Variants in ARFGEF1 observed in about 807,000 individuals in gnomAD.
The protein encoded by ARFGEF1 is brefeldin A-inhibited guanine nucleotide-exchange protein 1.
ARFGEF1 carries 42 observed loss-of-function variants against 231.0 expected under a neutral mutation model. The observed-to-expected ratio is 0.18, with a 90% confidence interval of 0.14 to 0.24. The LOEUF is 0.24. Among genes scored for constraint, ARFGEF1 ranks in the 10% least tolerant of loss-of-function variants. The pLI is 1.00. For missense variants in ARFGEF1, 1,345 were observed against 2,192.0 expected (o/e 0.61, Z 7.72); for synonymous variants, 710 against 732.3 (o/e 0.97, Z 0.49).
At chr8:67,313,078 T>C (rs1273872437) in intron 1 of ARFGEF1, among the ~76,000 whole-genome samples, 1 of 152,104 alleles carries the variant, frequency 6.6e-6, no homozygotes, top group Non-Finnish European at 1.5e-5. Context: ...TTACATTAAA[T>C]ATAAAAGGTC....
intron 1 of ARFGEF1, among the ~76,000 whole-genome samples, chr8:67,312,703 A>C (rs1034142429): frequency 3.3e-5 from 5 of 152,248 alleles, no homozygotes. Flanking sequence ...CATTTAACAC[A>C]AAAAATAAAA....
intron 7 of ARFGEF1, among the ~76,000 whole-genome samples, chr8:67,282,232 T>C (rs904669809): frequency 3.3e-5 from 5 of 152,124 alleles, no homozygotes; most frequent in South Asian, 2.1e-4. Flanking sequence ...TGGTTAGGAA[T>C]AGACAAATAG....
At chr8:67,188,932 G>T (rs924932006) in intron 5 of ARFGEF1, among the ~76,000 whole-genome samples, 2 of 152,150 alleles carry the variant, frequency 1.3e-5, no homozygotes, top group Non-Finnish European at 2.9e-5. Flanking sequence ...CCATTCCTTG[G>T]AATCTGTGAG....
chr8:67,274,370 G>A (rs952974375), intron 9 of ARFGEF1, among the ~76,000 whole-genome samples: 73 of 151,332 alleles, frequency 4.8e-4, no homozygotes, highest in Non-Finnish European at 5.3e-4. Context: ...TATTCTTTTG[G>A]AAAAATAATA....
At chr8:67,308,645 G>A (rs1806854396) in intron 1 of ARFGEF1, among the ~76,000 whole-genome samples, 1 of 152,060 alleles carries the variant, frequency 6.6e-6, no homozygotes, top group African/African-American at 2.4e-5. Context: ...CATCATCCCT[G>A]CTTATGTGCT....
At chr8:67,220,339 A>G (rs1038238689) in intron 29 of ARFGEF1, among the ~76,000 whole-genome samples, 2 of 152,220 alleles carry the variant, frequency 1.3e-5, no homozygotes, top group Admixed American at 6.5e-5. Flanking sequence ...CAGTTTAGAA[A>G]TGGCTTATAT....
At chr8:67,306,012 TTC>T (rs1019635948) in intron 1 of ARFGEF1, among the ~76,000 whole-genome samples, 1 of 151,332 alleles carries the variant, frequency 6.6e-6, no homozygotes, top group African/African-American at 2.4e-5. Flanking sequence ...AGACAGAAGA[TTC>T]TTTCTTACTA....
intron 20 of ARFGEF1, among the ~76,000 whole-genome samples, chr8:67,239,843 A>C (rs1839876050): frequency 6.6e-6 from 1 of 152,230 alleles, no homozygotes; most frequent in Non-Finnish European, 1.5e-5. Flanking sequence ...CTATGATTCA[A>C]CAAGATATTT....
intron 14 of ARFGEF1, among the ~76,000 whole-genome samples, chr8:67,261,131 TG>T (rs1804603704): frequency 6.6e-6 from 1 of 152,164 alleles, no homozygotes; most frequent in Non-Finnish European, 1.5e-5. Flanking sequence ...CAAGTGCTGA[TG>T]GAGAAGCTGC....
At chr8:67,271,972 A>G (rs1420113776) in intron 9 of ARFGEF1, 36 bp from the exon 10 acceptor site, 1 of 1,357,094 alleles carries the variant, frequency 7.4e-7, no homozygotes, top group Non-Finnish European at 1.0e-6. Flanking sequence ...TATATGAACA[A>G]GGTTGGCATT....
intron 1 of ARFGEF1, among the ~76,000 whole-genome samples, chr8:67,336,827 C>T (rs1808363123): frequency 1.3e-5 from 2 of 152,034 alleles, no homozygotes; most frequent in African/African-American, 4.8e-5. Flanking sequence ...AAAAACCTCC[C>T]TGCAAAAAAC....
downstream of ARFGEF1, among the ~76,000 whole-genome samples, chr8:67,197,354 T>G (rs552067953): frequency 1.3e-4 from 19 of 151,886 alleles, no homozygotes; most frequent in Admixed American, 6.6e-4. Flanking sequence ...CTGGGGAGGG[T>G]GGAGTGTGAG....
chr8:67,195,574 T>C (rs760329183), downstream of ARFGEF1: 10 of 1,614,140 alleles, frequency 6.2e-6, no homozygotes, highest in Non-Finnish European at 7.6e-6. Flanking sequence ...TGGCAGGGCC[T>C]GTCGACTGCA....
In ARFGEF1 at chr8:67,271,842, T is replaced by G. The variant is rs753559272; in HGVS notation, c.1432A>C (p.Ile478Leu). ...GPIFRTNEMF[I>L]NAIKQYLCVA... The stretch of plus-strand genomic sequence containing the variant: ...CAAAGATACTGCTTAATAGCATTAA[T>G]AAACATCTCATTTGTCCTGAAAATA... Residue 478 changes from isoleucine (I) to leucine (L), a missense_variant, in exon 10 of 39, where the codon ATT becomes CTT. Ile to Leu is a conservative substitution (Grantham distance 5). Around this residue, in one of 14 missense-constraint regions of ARFGEF1, gnomAD observed 141 missense variants for 259.9 expected, o/e 0.54. Coordinates refer to ENST00000262215, the MANE Select transcript of ARFGEF1 (RefSeq NM_006421.5). 13 of 1,613,594 alleles carry G rather than the reference T, an allele frequency of 8.1e-6. No individual in the cohort carries two copies. In the Admixed American group the frequency reaches 2.2e-4, roughly 27 times the overall value.
At chr8:67,184,817 C>T (rs958447970) in intron 5 of ARFGEF1, among the ~76,000 whole-genome samples, 3 of 147,228 alleles carry the variant, frequency 2.0e-5, no homozygotes, top group South Asian at 2.1e-4. Context: ...TAAAAACAGT[C>T]GGCCGGGCAC....
At chr8:67,283,812 G>C (rs1757389126) in intron 7 of ARFGEF1, among the ~76,000 whole-genome samples, 1 of 152,142 alleles carries the variant, frequency 6.6e-6, no homozygotes, top group South Asian at 2.1e-4. Context: ...TATCAGGTTG[G>C]TAAAAACTCA....
chr8:67,236,658 G>C (rs1273825621), intron 22 of ARFGEF1, among the ~76,000 whole-genome samples: 1 of 151,958 alleles, frequency 6.6e-6, no homozygotes, highest in Non-Finnish European at 1.5e-5. Flanking sequence ...ATTCAAAATG[G>C]AGCATGGAGT....
chr8:67,195,491 G>A (rs552763349), downstream of ARFGEF1: 10 of 1,614,184 alleles, frequency 6.2e-6, no homozygotes, highest in East Asian at 1.3e-4. Context: ...CTTCAGAAAC[G>A]CTGAAACGTT....
chr8:67,180,335 A>T (rs1055106561), intron 5 of ARFGEF1, among the ~76,000 whole-genome samples: 2 of 152,244 alleles, frequency 1.3e-5, no homozygotes, highest in African/African-American at 4.8e-5. Flanking sequence ...AGACAATCCC[A>T]ATAAGTTACA....
Sources: gnomAD v4.1 joint callset for allele counts (sites outside exome capture counted in the v4.1 genomes callset) on GRCh38, gnomAD v4.1.1 for gene constraint, gnomAD v4.1.1 regional missense constraint, MANE v1.5 for transcripts, NCBI Gene and HGNC (gene_info 2026-07-23, HGNC 2026-07-21) for gene names.